ATP11A: variants seen among roughly 807,000 people sequenced by gnomAD.
The protein encoded by ATP11A is ATPase phospholipid transporting 11A, also known as phospholipid-transporting ATPase IH.
Under a neutral mutation model 154.4 loss-of-function variants are expected in ATP11A, and 81 were observed. The ratio of observed to expected loss-of-function variants is 0.52; its 90% confidence interval spans 0.44 to 0.63. ATP11A has a LOEUF of 0.63. Ranked by LOEUF, ATP11A falls within the 30% of genes least tolerant of loss-of-function variation. The probability of loss-of-function intolerance (pLI) is 0.00; values close to 1 mark genes in which losing one functional copy is unlikely to be tolerated. For missense variants in ATP11A, 1,316 were observed against 1,474.3 expected, an observed-to-expected ratio of 0.89 and a Z score of 1.76; for synonymous variants, 623 against 585.9, an observed-to-expected ratio of 1.06 and a Z score of -0.91.
At position 112,845,711 on chromosome 13, in the gene ATP11A, G is replaced by C. The variant is rs186357317; in HGVS notation, c.1809+3332G>C. ...AACCAGTCCAGTTGCTGGCACTAGC[G>C]GTACTAACCAGTCCAGTTACCAGGC... On this transcript the variant is annotated intron_variant, in intron 17 of 29. Coordinates refer to ENST00000375645, the MANE Select transcript of ATP11A (RefSeq NM_015205.3). Among the ~76,000 whole-genome samples the C allele has an allele frequency of 1.5e-4, 13 of 88,664 alleles. 4 individuals are homozygous for C. Among genetic ancestry groups the C allele is most frequent in the Middle Eastern group, 9.5e-3 (2 of 210 alleles). 58.2% of individuals were successfully genotyped at this position (88,664 alleles called of 152,430 possible).
At chr13:112,857,952 G>T in intron 21 of ATP11A, 32 bp downstream of exon 21, 1 of 1,608,226 alleles carries the variant, frequency 6.2e-7, no homozygotes, top group Non-Finnish European at 8.5e-7. Context: ...GGCACATCCT[G>T]GTGGCCAGGT....
intron 1 of ATP11A, among the ~76,000 whole-genome samples, chr13:112,720,911 G>A (rs971435991): frequency 3.9e-5 from 6 of 152,090 alleles, no homozygotes; most frequent in Admixed American, 1.3e-4. Context: ...CCCTTATGTC[G>A]TGGCCGAGAA....
In ATP11A at chr13:112,831,350, C is replaced by G. The variant is rs757030108; in HGVS notation, c.1222-25C>G. ...ACGTGCGGGCCTCCCTCAGAGCGCC[C>G]TGACTTGCTGTGCCCTGCCCGCAGG... On this transcript the variant is annotated intron_variant, in intron 12 of 29. Coordinates refer to ENST00000375645, the MANE Select transcript of ATP11A (RefSeq NM_015205.3). The G allele has an allele frequency of 3.7e-6, 6 of 1,608,148 alleles. No individual in the cohort carries two copies. In the African/African-American group the frequency reaches 6.7e-5, roughly 18 times the overall value.
intron 1 of ATP11A, among the ~76,000 whole-genome samples, chr13:112,715,488 G>A (rs942229738): frequency 5.7e-4 from 3 of 5,294 alleles, no homozygotes; most frequent in Non-Finnish European, 1.8e-3. Context: ...GCCCATCCCC[G>A]TACCTGGCCC....
In ATP11A at chr13:112,862,333, A is replaced by G. The variant is rs542086106; in HGVS notation, c.2856-107A>G. On this transcript the variant is annotated intron_variant, in intron 24 of 29. Transcript: ENST00000375645. ...AACTTGATGTTTACTGGCCGTGCACATCTTATCCCATGAAGACAACGTCCA... is the reference window on the plus strand; with the variant it reads ...AACTTGATGTTTACTGGCCGTGCACGTCTTATCCCATGAAGACAACGTCCA... 3,111 of 1,386,856 alleles carry G rather than the reference A, an allele frequency of 2.2e-3. 4 individuals are homozygous for G. The highest frequency in any genetic ancestry group is 5.0e-3 in the Admixed American group (233 of 47,048). 85.9% of individuals were successfully genotyped at this position (1,386,856 alleles called of 1,614,324 possible).
chr13:112,760,895 G>A (rs1358956492), intron 1 of ATP11A, among the ~76,000 whole-genome samples: 2 of 152,134 alleles, frequency 1.3e-5, no homozygotes, highest in East Asian at 3.9e-4. Flanking sequence ...GGTGGAGTGG[G>A]GATGATGACC....
At chr13:112,751,116 T>C in intron 1 of ATP11A, among the ~76,000 whole-genome samples, 1 of 152,198 alleles carries the variant, frequency 6.6e-6, no homozygotes, top group East Asian at 1.9e-4. Context: ...TTTCTCACTG[T>C]TGTGAGCAGG....
chr13:112,842,421 C>CCT (rs771997886), intron 17 of ATP11A, 42 bp downstream of exon 17: 2 of 1,396,350 alleles, frequency 1.4e-6, no homozygotes, highest in East Asian at 4.8e-5. Context: ...GGTCAGCTCC[C>CCT]CTGCTGTCAG....
chr13:112,721,515 A>G (rs965924470), intron 1 of ATP11A, among the ~76,000 whole-genome samples: 1 of 152,216 alleles, frequency 6.6e-6, no homozygotes, highest in Non-Finnish European at 1.5e-5. Flanking sequence ...TCACTGCTGA[A>G]GACACAGAAA....
chr13:112,830,506 ACGGAGGTTGCAGTGAGC>A (rs1477233414), intron 12 of ATP11A, among the ~76,000 whole-genome samples: 1 of 151,950 alleles, frequency 6.6e-6, no homozygotes, highest in Admixed American at 6.6e-5. Flanking sequence ...AACCTGGGAG[ACGGAGGTTGCAGTGAGC>A]CGAGATCATA....
chr13:112,878,461 C>T (rs1668697805), intron 29 of ATP11A, 158 bp downstream of exon 29: 1 of 691,226 alleles, frequency 1.4e-6, no homozygotes, highest in South Asian at 1.7e-5. Flanking sequence ...CCACTTACAC[C>T]TTCTCATGCA....
At chr13:112,799,728 C>CAG (rs1202127717) in intron 2 of ATP11A, among the ~76,000 whole-genome samples, 1 of 152,196 alleles carries the variant, frequency 6.6e-6, no homozygotes, top group Non-Finnish European at 1.5e-5. Flanking sequence ...TCAACAATAG[C>CAG]AGACCACACA....
chr13:112,818,907 G>A (rs566000215), intron 6 of ATP11A, among the ~76,000 whole-genome samples: 10 of 152,352 alleles, frequency 6.6e-5, no homozygotes, highest in South Asian at 2.1e-4. Flanking sequence ...GGTTGTTGCC[G>A]AGAAGTGAAA....
In ATP11A at chr13:112,763,677, T is replaced by G. The variant is rs1465955198; in HGVS notation, c.40-21458T>G. 2.6e-5 allele frequency among the ~76,000 whole-genome samples: 4 copies of G among 152,336 alleles called. No homozygotes were observed. The East Asian group carries it at 7.7e-4, about 29-fold the overall frequency. Reference sequence around the variant, plus strand: ...ATCCTCTACATGGAGGAACCTTGGCTTCCACGACCTCCTTATCTTAACTTC... The same window carrying G: ...ATCCTCTACATGGAGGAACCTTGGCGTCCACGACCTCCTTATCTTAACTTC... On this transcript the variant is annotated intron_variant, in intron 1 of 29. Coordinates refer to ENST00000375645, the MANE Select transcript of ATP11A (RefSeq NM_015205.3).
intron 1 of ATP11A, among the ~76,000 whole-genome samples, chr13:112,704,555 G>A (rs1410041883): frequency 1.3e-5 from 2 of 152,250 alleles, no homozygotes; most frequent in Admixed American, 6.5e-5. Flanking sequence ...TCTGGAGCAC[G>A]TGAGAGTATG....
intron 2 of ATP11A, among the ~76,000 whole-genome samples, chr13:112,800,455 A>G (rs533908603): frequency 1.1e-4 from 16 of 152,302 alleles, no homozygotes; most frequent in African/African-American, 3.8e-4. Flanking sequence ...AAGGAGAAAT[A>G]TAATCTGGGT....
chr13:112,760,257 G>C (rs1268138073), intron 1 of ATP11A, among the ~76,000 whole-genome samples: 2 of 152,182 alleles, frequency 1.3e-5, no homozygotes, highest in Non-Finnish European at 2.9e-5. Flanking sequence ...TGAGGAAGGG[G>C]CACCTCGCTG....
intron 2 of ATP11A, among the ~76,000 whole-genome samples, chr13:112,789,579 C>G (rs2077776487): frequency 6.6e-6 from 1 of 151,486 alleles, no homozygotes; most frequent in African/African-American, 2.4e-5. Context: ...TTAATTCACA[C>G]CGGTGTCCTG....
chr13:112,728,595 T>TG (rs1465108813), intron 1 of ATP11A, among the ~76,000 whole-genome samples: 1 of 147,364 alleles, frequency 6.8e-6, no homozygotes, highest in Non-Finnish European at 1.5e-5. Context: ...TATCCACTCG[T>TG]GGGGGGGCCG....
Sources: gnomAD v4.1 joint callset for allele counts (sites outside exome capture counted in the v4.1 genomes callset) on GRCh38, gnomAD v4.1.1 for gene constraint, MANE v1.5 for transcripts, NCBI Gene and HGNC (gene_info 2026-07-23, HGNC 2026-07-21) for gene names.